The following DLG2 variants were observed in gnomAD, a reference collection of about 807,000 sequenced individuals.
DLG2 encodes disks large homolog 2.
DLG2 carries 45 observed loss-of-function variants against 132.5 expected under a neutral mutation model. That is an observed-to-expected ratio of 0.34 (90% CI 0.27 to 0.44). The LOEUF (loss-of-function observed/expected upper bound fraction) is 0.44, where lower values mean the gene tolerates loss of function less well. DLG2 is among the 20% of genes least tolerant of loss of function. DLG2 has a pLI of 1.00. For missense variants in DLG2, 1,045 were observed against 1,196.9 expected (o/e 0.87, Z 1.87); for synonymous variants, 424 against 419.6 (o/e 1.01, Z -0.13).
intron 6 of DLG2, among the ~76,000 whole-genome samples, chr11:84,816,849 G>A (rs1338114705): frequency 2.6e-5 from 4 of 151,924 alleles, no homozygotes; most frequent in African/African-American, 7.3e-5. Flanking sequence ...ATAATGAAAT[G>A]AGAATTATTT....
intron 18 of DLG2, among the ~76,000 whole-genome samples, chr11:83,717,606 C>CA (rs1450192884): frequency 5.9e-5 from 9 of 152,126 alleles, no homozygotes; most frequent in Non-Finnish European, 1.0e-4. Context: ...ATAGCTGTCA[C>CA]GACAGTTGAT....
rs145650887 is a variant in DLG2, at chr11:84,331,626, C to A, written c.520-80335G>T. 1.4e-3 allele frequency among the ~76,000 whole-genome samples: 209 copies of A among 151,208 alleles called. 1 individual carries two copies. The highest frequency in any genetic ancestry group is 5.0e-3 in the African/African-American group (207 of 41,158). ...CGGCCGGGTGGGTGGTGGTGGGAAACAAATTCTAATTTTATAAAATCCCCA... is the reference window on the plus strand; with the variant it reads ...CGGCCGGGTGGGTGGTGGTGGGAAAAAAATTCTAATTTTATAAAATCCCCA... On this transcript the variant is annotated intron_variant, in intron 7 of 27. Transcript: ENST00000376104.
At chr11:85,215,209 G>A (rs1344992307) in intron 4 of DLG2, among the ~76,000 whole-genome samples, 11 of 152,280 alleles carry the variant, frequency 7.2e-5, no homozygotes, top group Admixed American at 7.2e-4. Context: ...GGTGTTTGAT[G>A]TTATAAGTCC....
chr11:84,872,612 A>G (rs1321011065), intron 6 of DLG2, among the ~76,000 whole-genome samples: 2 of 152,224 alleles, frequency 1.3e-5, no homozygotes, highest in African/African-American at 2.4e-5. Flanking sequence ...TTTAGGTTGT[A>G]TCTTGAAAGT....
chr11:85,178,568 C>A (rs971755122), intron 4 of DLG2, among the ~76,000 whole-genome samples: 60 of 151,710 alleles, frequency 4.0e-4, no homozygotes, highest in Non-Finnish European at 8.1e-4. Context: ...TGAAAAAGAT[C>A]TTCAATAAAC....
At chr11:85,495,135 G>C (rs2093641971) in intron 3 of DLG2, among the ~76,000 whole-genome samples, 2 of 152,078 alleles carry the variant, frequency 1.3e-5, no homozygotes, top group African/African-American at 4.8e-5. Context: ...AATTAAAACA[G>C]AAATAAGCAA....
intron 4 of DLG2, among the ~76,000 whole-genome samples, chr11:85,271,225 C>A (rs901478715): frequency 6.6e-6 from 1 of 152,184 alleles, no homozygotes; most frequent in Non-Finnish European, 1.5e-5. Flanking sequence ...AGAGTGGAAG[C>A]CCCAAGCCTT....
chr11:84,112,630 A>C (rs967275228), intron 9 of DLG2, among the ~76,000 whole-genome samples: 1 of 152,018 alleles, frequency 6.6e-6, no homozygotes, highest in Non-Finnish European at 1.5e-5. Flanking sequence ...CATTTGCTAC[A>C]GCCATAAATT....
chr11:84,753,542 AAGCTGAGGG>A (rs2066459282), intron 6 of DLG2, among the ~76,000 whole-genome samples: 1 of 152,154 alleles, frequency 6.6e-6, no homozygotes, highest in Non-Finnish European at 1.5e-5. Flanking sequence ...GAAGATCCTA[AAGCTGAGGG>A]AAATGAAGAA....
intron 25 of DLG2, among the ~76,000 whole-genome samples, chr11:83,468,179 C>G (rs931687633): frequency 6.6e-5 from 10 of 152,098 alleles, no homozygotes; most frequent in Admixed American, 6.6e-4. Flanking sequence ...GGGCTAAAAT[C>G]TCATCTATAA....
intron 15 of DLG2, among the ~76,000 whole-genome samples, chr11:83,928,961 A>C (rs1337769935): frequency 6.6e-6 from 1 of 152,132 alleles, no homozygotes; most frequent in African/African-American, 2.4e-5. Context: ...TCAGCTTTAA[A>C]ATGGCATAGT....
chr11:85,215,684 C>T (rs1421140459), intron 4 of DLG2, among the ~76,000 whole-genome samples: 2 of 152,124 alleles, frequency 1.3e-5, no homozygotes, highest in African/African-American at 4.8e-5. Context: ...GTTTGCTACC[C>T]CTAAAAGCCT....
At chr11:83,680,733 A>G (rs1206475173) in intron 18 of DLG2, among the ~76,000 whole-genome samples, 1 of 152,188 alleles carries the variant, frequency 6.6e-6, no homozygotes, top group African/African-American at 2.4e-5. Context: ...CTGAAAAAAT[A>G]TATATTCCAT....
In DLG2 at chr11:83,588,889, A is replaced by G. The variant is rs569578896; in HGVS notation, c.1940+44322T>C. ...GCGATCAACTGGAAGAAAGGGTATC[A>G]GTGATGGAAGATGAAATGAATGAAA... is the stretch of plus-strand genomic sequence containing the variant. On this transcript the variant is annotated intron_variant, in intron 19 of 27. Transcript: ENST00000376104. 1.2e-3 allele frequency among the ~76,000 whole-genome samples: 177 copies of G among 151,990 alleles called. 1 individual carries two copies. In the South Asian group the frequency reaches 0.026, roughly 22 times the overall value.
chr11:84,796,600 C>T (rs1364257823), intron 6 of DLG2, among the ~76,000 whole-genome samples: 1 of 152,110 alleles, frequency 6.6e-6, no homozygotes, highest in African/African-American at 2.4e-5. Context: ...TGAAATCCCT[C>T]AGCTTTTGTT....
intron 4 of DLG2, among the ~76,000 whole-genome samples, chr11:85,195,546 C>T (rs1403514882): frequency 1.4e-4 from 19 of 131,376 alleles, no homozygotes; most frequent in African/African-American, 3.7e-4. Flanking sequence ...TTTTTTGAGA[C>T]GGAGTCTCGC....
intron 6 of DLG2, among the ~76,000 whole-genome samples, chr11:85,095,314 A>C (rs1331808195): frequency 6.6e-6 from 1 of 152,264 alleles, no homozygotes; most frequent in Admixed American, 6.5e-5. Context: ...GATTGTCACA[A>C]ATCTTTGATT....
chr11:85,454,689 A>T lies in DLG2; in HGVS notation c.40+143968T>A, dbSNP rs542744516. Among the ~76,000 whole-genome samples the T allele has an allele frequency of 3.9e-4, 60 of 152,256 alleles. 1 individual carries two copies. In the South Asian group the frequency reaches 0.012, roughly 31 times the overall value. Reference sequence around the variant, plus strand: ...GGTTTTACGTTTAAGTCTTTAATACATCTTCAGTTGATTTTATATACGGTG... The same window carrying T: ...GGTTTTACGTTTAAGTCTTTAATACTTCTTCAGTTGATTTTATATACGGTG... On this transcript the variant is annotated intron_variant, in intron 3 of 27. Coordinates refer to ENST00000376104, the MANE Select transcript of DLG2 (RefSeq NM_001142699.3).
chr11:85,093,399 C>T (rs1471036290), intron 6 of DLG2, among the ~76,000 whole-genome samples: 1 of 152,090 alleles, frequency 6.6e-6, no homozygotes, highest in Non-Finnish European at 1.5e-5. Flanking sequence ...CCACCCAGTA[C>T]ACTCAGACTC....
Sources: allele counts gnomAD v4.1 joint callset (sites outside exome capture counted in the v4.1 genomes callset), GRCh38; gene constraint gnomAD v4.1.1; transcripts MANE v1.5; gene names NCBI Gene and HGNC (gene_info 2026-07-23, HGNC 2026-07-21).